Variants in POLR3C observed in about 807,000 individuals in gnomAD.
POLR3C encodes DNA-directed RNA polymerase III subunit RPC3.
Under a neutral mutation model 65.9 loss-of-function variants are expected in POLR3C, and 44 were observed. The ratio of observed to expected loss-of-function variants is 0.67; its 90% CI spans 0.52 to 0.86. The LOEUF (loss-of-function observed/expected upper bound fraction) is 0.86, where lower values mean the gene tolerates loss of function less well. Among genes scored for constraint, POLR3C ranks in the 40% least tolerant of loss-of-function variants. POLR3C has a pLI of 0.00. For synonymous variants in POLR3C, 263 were observed against 231.6 expected (o/e 1.14, Z -1.23); for missense variants, 576 against 653.2 (o/e 0.88, Z 1.29).
In POLR3C at chr1:145,841,669, A is replaced by G. The variant is rs1652304632; in HGVS notation, c.1523+598A>G. Among the ~76,000 whole-genome samples, 4 of 152,250 alleles carry G rather than the reference A, an allele frequency of 2.6e-5. No individual in the cohort carries two copies. In the South Asian group the frequency reaches 8.3e-4, roughly 31 times the overall value. ...TGGTGTTGTGATTTTGTATCCCACA[A>G]CTTTACTAAATTCATTTATTAATTC... is the stretch of plus-strand genomic sequence containing the variant. On this transcript the variant is annotated intron_variant, in intron 14 of 14. Coordinates refer to ENST00000334163, the MANE Select transcript of POLR3C (RefSeq NM_006468.8).
Position 145,839,996 on chromosome 1 carries a change from C to T in POLR3C, c.1323+5C>T. The T allele has an allele frequency of 6.3e-7, 1 of 1,585,156 alleles. No individual in the cohort carries two copies. Among genetic ancestry groups the T allele is most frequent in the Non-Finnish European group, 8.7e-7 (1 of 1,153,712 alleles). ...TTGTTGCACAGGTGCTACAAGGTAA[C>T]TCAATCTGGACCTTCTCCCCATTTC... On this transcript the variant is annotated splice_donor_5th_base_variant and intron_variant, in intron 12 of 14. Coordinates refer to ENST00000334163, the MANE Select transcript of POLR3C (RefSeq NM_006468.8).
At chr1:145,834,273 G>C (rs1438433667) in intron 7 of POLR3C, among the ~76,000 whole-genome samples, 1 of 152,186 alleles carries the variant, frequency 6.6e-6, no homozygotes, top group Non-Finnish European at 1.5e-5. Context: ...CATGAATGGA[G>C]CTTTCAGGAC....
At chr1:145,831,912 G>A (rs1036341471) in intron 5 of POLR3C, among the ~76,000 whole-genome samples, 2 of 152,030 alleles carry the variant, frequency 1.3e-5, no homozygotes, top group Admixed American at 6.6e-5. Flanking sequence ...GTGGTGGCAC[G>A]CACCTGTGGT....
Position 145,843,410 on chromosome 1 carries a change from G to C in POLR3C, c.*990G>C, listed in dbSNP as rs1284974314. ...ATATCTTCAGTTTTCTCTCACCAAT[G>C]TGTTTTCTAATTGTTTAAACACTTG... is the stretch of plus-strand genomic sequence containing the variant. On this transcript the variant is annotated 3_prime_UTR_variant, in exon 15 of 15. Transcript: ENST00000334163. Among the ~76,000 whole-genome samples, 2 of 152,126 alleles carry C rather than the reference G, an allele frequency of 1.3e-5. No homozygotes were observed. Among genetic ancestry groups the C allele is most frequent in the Admixed American group, 6.5e-5 (1 of 15,270 alleles).
At chr1:145,830,781 A>G (rs1651239857) in intron 5 of POLR3C, among the ~76,000 whole-genome samples, 1 of 147,474 alleles carries the variant, frequency 6.8e-6, no homozygotes, top group South Asian at 2.2e-4. Context: ...CCTTGGTGAC[A>G]GAGCAAGACT....
chr1:145,834,107 T>C (rs1170488432), intron 7 of POLR3C, among the ~76,000 whole-genome samples: 2 of 152,176 alleles, frequency 1.3e-5, no homozygotes, highest in African/African-American at 4.8e-5. Context: ...AGCCTATGGC[T>C]TCTAGGCTGT....
intron 9 of POLR3C, 104 bp from the exon 10 acceptor site, chr1:145,837,432 A>G: frequency 3.4e-6 from 2 of 581,980 alleles, no homozygotes; most frequent in Non-Finnish European, 5.9e-6. Context: ...GAAAAACAAA[A>G]TAGCATTTAA....
At position 145,836,874 on chromosome 1, in the gene POLR3C, T is replaced by TA. The variant is rs773019835; in HGVS notation, c.1009+9dup. 6.2e-5 allele frequency: 94 copies of TA among 1,521,570 alleles called. No homozygotes were observed. The highest frequency in any genetic ancestry group is 7.5e-5 in the Non-Finnish European group (83 of 1,101,060). The allele number at this position is 1,521,570 out of a possible 1,614,324, so 94.3% of individuals were successfully genotyped here. On this transcript the variant is annotated intron_variant, in intron 9 of 14. Coordinates refer to ENST00000334163, the MANE Select transcript of POLR3C (RefSeq NM_006468.8). Reference sequence around the variant, plus strand: ...GAGGAATGTATGTCATCAGTATCCTTACCAGTTATTTCCTTAGAGTCAGGC... The same window carrying TA: ...GAGGAATGTATGTCATCAGTATCCTTAACCAGTTATTTCCTTAGAGTCAGGC...
Position 145,825,869 on chromosome 1 carries a change from C to A in POLR3C, c.93C>A (p.Thr31=). The A allele has an allele frequency of 6.2e-7, 1 of 1,613,436 alleles. No homozygotes were observed. Among genetic ancestry groups the A allele is most frequent in the East Asian group, 2.2e-5 (1 of 44,880 alleles). ...AAATTGGAGTCCATCTGATAAGAACCGGCAGCCAGCCACTAAGAGTAATTG... is the reference window on the plus strand; with the variant it reads ...AAATTGGAGTCCATCTGATAAGAACAGGCAGCCAGCCACTAAGAGTAATTG... The part of the protein sequence containing the change: ...VEKIGVHLIR[T]GSQPLRVIAH... Residue 31 remains threonine, a synonymous_variant, in exon 2 of 15, where the codon ACC becomes ACA. Transcript: ENST00000334163.
chr1:145,828,179 G>C (rs1322317071), intron 4 of POLR3C, among the ~76,000 whole-genome samples: 3 of 152,204 alleles, frequency 2.0e-5, no homozygotes, highest in African/African-American at 7.2e-5. Flanking sequence ...TAAGGTTAGA[G>C]ACATAGCTAG....
chr1:145,827,135 G>A, intron 4 of POLR3C, 130 bp downstream of exon 4: 1 of 773,366 alleles, frequency 1.3e-6, no homozygotes, highest in Non-Finnish European at 2.1e-6. Context: ...GTATAACAAT[G>A]AAAAAATCAT....
intron 10 of POLR3C, 45 bp from the exon 11 acceptor site, chr1:145,838,011 C>T (rs1553729239): frequency 1.3e-6 from 2 of 1,589,292 alleles, no homozygotes; most frequent in African/African-American, 2.7e-5. Flanking sequence ...GGAACTAAAG[C>T]TGATCTATGT....
intron 4 of POLR3C, among the ~76,000 whole-genome samples, chr1:145,828,319 CTG>C (rs1368332441): frequency 6.6e-6 from 1 of 152,082 alleles, no homozygotes; most frequent in African/African-American, 2.4e-5. Flanking sequence ...AGGAAGACCA[CTG>C]AAGGATTTTT....
chr1:145,836,345 C>T, intron 7 of POLR3C, 149 bp from the exon 8 acceptor site: 1 of 630,802 alleles, frequency 1.6e-6, no homozygotes, highest in Non-Finnish European at 2.8e-6. Context: ...GTCTCCAACT[C>T]TTGACCCAAA....
chr1:145,840,295 T>C (rs1652188759), intron 13 of POLR3C, 130 bp downstream of exon 13: 1 of 665,576 alleles, frequency 1.5e-6, no homozygotes, highest in South Asian at 1.7e-5. Flanking sequence ...ATCCCAGCAC[T>C]TCGGGAGGCT....
chr1:145,832,343 T>C (rs1651405553), intron 5 of POLR3C, among the ~76,000 whole-genome samples: 1 of 151,918 alleles, frequency 6.6e-6, no homozygotes, highest in African/African-American at 2.4e-5. Context: ...AGAGAAGGCA[T>C]AGGGTTGAAA....
rs587636314 is a variant in POLR3C at position 145,826,604 on chromosome 1, A to G, written c.298A>G (p.Ser100Gly). The G allele has an allele frequency of 5.0e-5, 80 of 1,614,198 alleles. No homozygotes were observed. The highest frequency in any genetic ancestry group is 3.8e-4 in the East Asian group (17 of 44,888). ...CATCTATACTACCAAAACTCTGTAC[A>G]GTGACACTGGAGAGCTGATTGTTGA... ...RYIYTTKTLY[S>G]DTGELIVEEL... Residue 100 changes from serine (S) to glycine (G), a missense_variant, in exon 3 of 15, where the codon AGT becomes GGT. Transcript: ENST00000334163.
At position 145,839,931 on chromosome 1, in the gene POLR3C, C is replaced by A. The variant is rs1553729939; in HGVS notation, c.1263C>A (p.Phe421Leu). 1 of 1,612,082 alleles carries A rather than the reference C, an allele frequency of 6.2e-7. No homozygotes were observed. Among genetic ancestry groups the A allele is most frequent in the South Asian group, 1.1e-5 (1 of 91,046 alleles). ...CAGACCATGCCCCATCCAGGACCTT[C>A]TATTTATATACTGTGAACATCCTGT... The part of the protein sequence containing the change: ...KTPDHAPSRT[F>L]YLYTVNILSA... The change falls in exon 12 of 15, where the codon TTC becomes TTA. Residue 421 changes from phenylalanine to leucine, a missense_variant. Transcript: ENST00000334163.
At chr1:145,837,401 T>C in intron 9 of POLR3C, 135 bp from the exon 10 acceptor site, 1 of 550,862 alleles carries the variant, frequency 1.8e-6, no homozygotes, top group Non-Finnish European at 3.2e-6. Context: ...GTACCATGAC[T>C]GAAACCATAA....
Sources: gnomAD v4.1 joint callset for allele counts (sites outside exome capture counted in the v4.1 genomes callset) on GRCh38, gnomAD v4.1.1 for gene constraint, MANE v1.5 for transcripts, NCBI Gene and HGNC (gene_info 2026-07-23, HGNC 2026-07-21) for gene names.